MBD5: variants seen among roughly 807,000 people sequenced by gnomAD.
The protein encoded by MBD5 is methyl-CpG binding domain protein 5.
In MBD5, 13 loss-of-function variants were observed where a neutral mutation model predicts 117.3. The ratio of observed to expected loss-of-function variants is 0.11; its 90% CI spans 0.07 to 0.18. The LOEUF (loss-of-function observed/expected upper bound fraction) is 0.18, where lower values mean the gene tolerates loss of function less well. MBD5 is among the 10% of genes least tolerant of loss of function. The pLI, the probability that MBD5 is intolerant of heterozygous loss-of-function variation, is 1.00. For synonymous variants in MBD5, 727 were observed against 766.4 expected, an observed-to-expected ratio of 0.95 and a Z score of 0.85; for missense variants, 1,879 against 2,093.8, an observed-to-expected ratio of 0.90 and a Z score of 2.00.
chr2:148,135,773 A>AT, intron 1 of MBD5, among the ~76,000 whole-genome samples: 1 of 152,188 alleles, frequency 6.6e-6, no homozygotes, highest in Non-Finnish European at 1.5e-5. Flanking sequence ...GGTTAAAGTT[A>AT]TCTTTAGGGA....
intron 3 of MBD5, among the ~76,000 whole-genome samples, chr2:148,256,032 G>T (rs1700581512): frequency 1.3e-5 from 2 of 152,240 alleles, no homozygotes; most frequent in Admixed American, 1.3e-4. Flanking sequence ...CTGTGGCCGT[G>T]TCCACATCTG....
chr2:148,498,638 A>T (rs986976082), intron 11 of MBD5, among the ~76,000 whole-genome samples: 1 of 152,204 alleles, frequency 6.6e-6, no homozygotes, highest in African/African-American at 2.4e-5. Flanking sequence ...CCCCAGTCAG[A>T]TCCAGGTTCT....
At chr2:148,097,235 T>C (rs1696093052) in intron 1 of MBD5, among the ~76,000 whole-genome samples, 1 of 152,212 alleles carries the variant, frequency 6.6e-6, no homozygotes, top group Admixed American at 6.5e-5. Context: ...CTATTTGGTG[T>C]ACAGTATTAC....
intron 4 of MBD5, among the ~76,000 whole-genome samples, chr2:148,379,304 T>G (rs1041075613): frequency 1.3e-5 from 2 of 151,934 alleles, no homozygotes; most frequent in Admixed American, 1.3e-4. Context: ...ACAATGAAAT[T>G]TACCACAGAC....
At chr2:148,228,717 C>T (rs796918722) in intron 2 of MBD5, among the ~76,000 whole-genome samples, 6 of 152,088 alleles carry the variant, frequency 3.9e-5, no homozygotes, top group African/African-American at 1.2e-4. Context: ...TGGTAGAATT[C>T]GGCTGTGAAT....
At chr2:148,043,970 C>T (rs778893786) in intron 1 of MBD5, among the ~76,000 whole-genome samples, 2 of 152,010 alleles carry the variant, frequency 1.3e-5, no homozygotes, top group African/African-American at 2.4e-5. Flanking sequence ...TAATTGAGGT[C>T]GGATCCAGTG....
At chr2:148,299,460 T>C (rs1388741697) in intron 3 of MBD5, among the ~76,000 whole-genome samples, 2 of 152,100 alleles carry the variant, frequency 1.3e-5, no homozygotes, top group African/African-American at 2.4e-5. Flanking sequence ...TTGTCTAAAG[T>C]TGTTTGTAAC....
At chr2:148,365,821 T>C (rs1703681287) in intron 4 of MBD5, among the ~76,000 whole-genome samples, 1 of 151,932 alleles carries the variant, frequency 6.6e-6, no homozygotes, top group South Asian at 2.1e-4. Flanking sequence ...AGTTCTGAAG[T>C]TGAGACAGTA....
chr2:148,143,410 A>C (rs1038844616), intron 1 of MBD5, among the ~76,000 whole-genome samples: 18 of 152,208 alleles, frequency 1.2e-4, no homozygotes. Context: ...GGTTTTTACT[A>C]TGAGCCTATT....
chr2:148,118,450 A>T (rs996704639), intron 1 of MBD5, among the ~76,000 whole-genome samples: 1 of 151,434 alleles, frequency 6.6e-6, no homozygotes, highest in Non-Finnish European at 1.5e-5. Context: ...ATATATATAT[A>T]TAGTTTAAAT....
intron 4 of MBD5, among the ~76,000 whole-genome samples, chr2:148,397,477 C>A (rs1287843229): frequency 6.6e-6 from 1 of 151,690 alleles, no homozygotes; most frequent in East Asian, 1.9e-4. Flanking sequence ...CTACAGATGC[C>A]CGCCACCACG....
At chr2:148,225,759 A>G (rs919527114) in intron 2 of MBD5, among the ~76,000 whole-genome samples, 8 of 152,132 alleles carry the variant, frequency 5.3e-5, no homozygotes, top group African/African-American at 1.9e-4. Context: ...TTCCTTCACC[A>G]CTTTAAATAT....
chr2:148,092,981 G>A (rs1031418253), intron 1 of MBD5, among the ~76,000 whole-genome samples: 3 of 151,634 alleles, frequency 2.0e-5, no homozygotes, highest in African/African-American at 4.8e-5. Flanking sequence ...GCAGTGGCGC[G>A]ATCTTGGCTG....
intron 8 of MBD5, among the ~76,000 whole-genome samples, chr2:148,476,423 T>TA (rs749133769): frequency 1.3e-5 from 2 of 152,256 alleles, no homozygotes; most frequent in Non-Finnish European, 2.9e-5. Context: ...TCTGATTTTT[T>TA]ATCCCATTCT....
At chr2:148,467,676 A>G (rs560687164) in intron 7 of MBD5, among the ~76,000 whole-genome samples, 97 of 152,308 alleles carry the variant, frequency 6.4e-4, no homozygotes, top group Middle Eastern at 3.4e-3. Flanking sequence ...TTAGTTTGCA[A>G]TATCACTGCA....
At chr2:148,473,077 T>G (rs1299217126) in intron 8 of MBD5, among the ~76,000 whole-genome samples, 1 of 152,182 alleles carries the variant, frequency 6.6e-6, no homozygotes, top group African/African-American at 2.4e-5. Flanking sequence ...TCAAAATCTT[T>G]TAAAATGTTC....
chr2:148,483,001 G>A, intron 8 of MBD5, 109 bp from the exon 9 acceptor site: 1 of 1,212,926 alleles, frequency 8.2e-7, no homozygotes, highest in Non-Finnish European at 1.2e-6. Flanking sequence ...CAATGAAGGT[G>A]CCATGGAACA....
intron 4 of MBD5, among the ~76,000 whole-genome samples, chr2:148,401,894 C>T (rs891910783): frequency 6.6e-5 from 10 of 152,114 alleles, no homozygotes; most frequent in African/African-American, 2.2e-4. Flanking sequence ...CTTTCATGAC[C>T]TTGACACTTT....
intron 1 of MBD5, among the ~76,000 whole-genome samples, chr2:148,118,551 G>A (rs1249649680): frequency 6.6e-6 from 1 of 151,522 alleles, no homozygotes; most frequent in Non-Finnish European, 1.5e-5. Flanking sequence ...CAAAGTTGCA[G>A]TGAGCTATGA....
Sources: allele counts gnomAD v4.1 joint callset (sites outside exome capture counted in the v4.1 genomes callset), GRCh38; gene constraint gnomAD v4.1.1; transcripts MANE v1.5; gene names NCBI Gene and HGNC (gene_info 2026-07-23, HGNC 2026-07-21).